The following TUBB3 variants were observed in gnomAD, a reference collection of about 807,000 sequenced individuals.
TUBB3 encodes the protein tubulin beta 3 class III, also known as tubulin beta-3 chain.
Under a neutral mutation model 37.8 loss-of-function variants are expected in TUBB3, and 17 were observed. The observed-to-expected ratio is 0.45, with a 90% confidence interval of 0.31 to 0.67. The LOEUF is 0.67. Ranked by LOEUF, TUBB3 falls within the 30% of genes least tolerant of loss-of-function variation. TUBB3 has a pLI of 0.07. For missense variants in TUBB3, 262 were observed against 657.9 expected (o/e 0.40, Z 6.58); for synonymous variants, 332 against 278.9 (o/e 1.19, Z -1.90).
At chr16:89,925,555 C>T (rs62052213) in intron 1 of TUBB3, among the ~76,000 whole-genome samples, 10,075 of 152,070 alleles carry the variant, frequency 0.066, 546 homozygotes, top group East Asian at 0.26. Flanking sequence ...ATGACCGCAC[C>T]ACTGTACTCC....
Position 89,936,025 on chromosome 16 carries a change from G to A in TUBB3, c.*221G>A, listed in dbSNP as rs1406602552. The A allele has an allele frequency of 1.4e-5, 9 of 625,318 alleles. No homozygotes were observed. Among genetic ancestry groups the A allele is most frequent in the African/African-American group, 1.8e-5 (1 of 54,324 alleles). 38.7% of individuals were successfully genotyped at this position (625,318 alleles called of 1,614,324 possible). ...TGCAGCTCCAGGCCTGACGTTTTAC[G>A]GTTTTGTTTTTTACTGGTTTGTGTT... On this transcript the variant is annotated 3_prime_UTR_variant, in exon 4 of 4. Coordinates refer to ENST00000315491, the MANE Select transcript of TUBB3 (RefSeq NM_006086.4).
At chr16:89,930,910 C>T (rs536804392) in intron 1 of TUBB3, among the ~76,000 whole-genome samples, 1 of 151,956 alleles carries the variant, frequency 6.6e-6, no homozygotes, top group South Asian at 2.1e-4. Flanking sequence ...TCACTGCAAG[C>T]TCCACCTCCT....
intron 1 of TUBB3, chr16:89,931,990 G>A (rs765319963): frequency 1.5e-5 from 4 of 274,268 alleles, no homozygotes; most frequent in South Asian, 6.5e-5. Flanking sequence ...AGACCCAGCT[G>A]GGGGTCCCCG....
intron 3 of TUBB3, chr16:89,934,414 C>G: frequency 1.8e-6 from 1 of 547,010 alleles, no homozygotes; most frequent in Non-Finnish European, 3.5e-6. Context: ...CTGGCACTGC[C>G]AGTCGGAAGG....
Position 89,935,810 on chromosome 16 carries a change from C to A in TUBB3, c.*6C>A. 1 of 1,611,740 alleles carries A rather than the reference C, an allele frequency of 6.2e-7. No individual in the cohort carries two copies. The highest frequency in any genetic ancestry group is 8.5e-7 in the Non-Finnish European group (1 of 1,178,886). Reference sequence around the variant, plus strand: ...AGGCCCAGGGCCCCAAGTGAAGCTGCTCGCAGCTGGAGTGAGAGGCAGGTG... The same window carrying A: ...AGGCCCAGGGCCCCAAGTGAAGCTGATCGCAGCTGGAGTGAGAGGCAGGTG... On this transcript the variant is annotated 3_prime_UTR_variant, in exon 4 of 4. Transcript: ENST00000315491.
chr16:89,923,062 C>T (rs571353861), upstream of TUBB3, among the ~76,000 whole-genome samples: 5 of 152,322 alleles, frequency 3.3e-5, no homozygotes, highest in African/African-American at 1.2e-4. Context: ...GGGCCATTGT[C>T]CTCCCTGGAG....
At chr16:89,934,202 G>T (rs1206116120) in intron 3 of TUBB3, 1 of 362,926 alleles carries the variant, frequency 2.8e-6, no homozygotes, top group Non-Finnish European at 5.4e-6. Context: ...TGGATGCCAC[G>T]TTCCCATGCC....
chr16:89,931,865 T>C, intron 1 of TUBB3: 1 of 409,152 alleles, frequency 2.4e-6, no homozygotes, highest in Non-Finnish European at 5.0e-6. Context: ...GAGGTGGAGG[T>C]GGCAGGTAGA....
rs565116983 is a variant in TUBB3 at position 89,933,231 on chromosome 16, G to T, written c.167-237G>T. Reference sequence around the variant, plus strand: ...ACACGAGCCCCTGCATCTGGTGGACGTCTGACTGAATCCTGCCTGTCCTGC... The same window carrying T: ...ACACGAGCCCCTGCATCTGGTGGACTTCTGACTGAATCCTGCCTGTCCTGC... On this transcript the variant is annotated intron_variant, in intron 2 of 3. Transcript: ENST00000315491. 626 of 691,214 alleles carry T rather than the reference G, an allele frequency of 9.1e-4. 1 individual carries two copies. Among genetic ancestry groups the T allele is most frequent in the African/African-American group, 7.0e-4 (40 of 57,144 alleles). The allele number at this position is 691,214 out of a possible 1,614,324, so 42.8% of individuals were successfully genotyped here.
upstream of TUBB3, among the ~76,000 whole-genome samples, chr16:89,922,824 C>T (rs74033901): frequency 4.4e-3 from 672 of 152,358 alleles, 4 homozygotes; most frequent in African/African-American, 0.016. Flanking sequence ...CGCTTTGTTT[C>T]TTCTCAGTGG....
At chr16:89,923,541 G>C in intron 1 of TUBB3, 83 bp downstream of exon 1, 1 of 1,235,276 alleles carries the variant, frequency 8.1e-7, no homozygotes, top group South Asian at 2.4e-5. Flanking sequence ...ACCTCCAGCT[G>C]CCCCCGCCCC....
chr16:89,923,501 A>G (rs923090180), intron 1 of TUBB3, 43 bp downstream of exon 1: 1 of 1,389,530 alleles, frequency 7.2e-7, no homozygotes. Flanking sequence ...CCGGGGCGGG[A>G]GGAGGGAGGC....
rs573895784 is a variant in TUBB3 at position 89,935,972 on chromosome 16, G to A, written c.*168G>A. 1.4e-5 allele frequency: 11 copies of A among 778,854 alleles called. No individual in the cohort carries two copies. Among genetic ancestry groups the A allele is most frequent in the African/African-American group, 7.0e-5 (4 of 57,172 alleles). The allele number at this position is 778,854 out of a possible 1,614,324, so 48.2% of individuals were successfully genotyped here. A position where few individuals can be genotyped will look rare whatever the true frequency, so the allele number is the denominator to read the frequency against. ...GCCTCGTCCTCCCCACCTAGGCCAC[G>A]TGTGAGCTGCTCCTGTCTCTGTCTT... On this transcript the variant is annotated 3_prime_UTR_variant, in exon 4 of 4. Coordinates refer to ENST00000315491, the MANE Select transcript of TUBB3 (RefSeq NM_006086.4).
chr16:89,930,923 G>A (rs1474001590), intron 1 of TUBB3, among the ~76,000 whole-genome samples: 1 of 151,894 alleles, frequency 6.6e-6, no homozygotes, highest in Non-Finnish European at 1.5e-5. Context: ...CACCTCCTGG[G>A]TTCAAGTGAT....
chr16:89,931,765 C>G (rs1025145792), intron 1 of TUBB3: 3 of 291,736 alleles, frequency 1.0e-5, no homozygotes, highest in Admixed American at 7.4e-5. Context: ...GTGAACCCAG[C>G]AGGCCCAGCC....
At position 89,923,350 on chromosome 16, in the gene TUBB3, C is replaced by G. The variant is rs2029952309; in HGVS notation, c.-52C>G. 2.1e-6 allele frequency: 3 copies of G among 1,420,324 alleles called. No individual in the cohort carries two copies. Among genetic ancestry groups the G allele is most frequent in the Non-Finnish European group, 2.8e-6 (3 of 1,078,448 alleles). The allele number at this position is 1,420,324 out of a possible 1,614,324, so 88.0% of individuals were successfully genotyped here. On this transcript the variant is annotated 5_prime_UTR_variant, in exon 1 of 4. Coordinates refer to ENST00000315491, the MANE Select transcript of TUBB3 (RefSeq NM_006086.4). The stretch of plus-strand genomic sequence containing the variant: ...GGCCGCGGTCCCCGACCCTCAGCAG[C>G]CAGCCCGGCCCGCCCGCGCCCGTCC...
intron 1 of TUBB3, among the ~76,000 whole-genome samples, chr16:89,930,754 C>T (rs1224423982): frequency 6.6e-6 from 1 of 151,648 alleles, no homozygotes; most frequent in Admixed American, 6.6e-5. Context: ...TAGACTCATG[C>T]TTCTCATGCT....
Position 89,932,507 on chromosome 16 carries a change from A to G in TUBB3, c.58-64A>G. ...GTAGTGAGGGCTAAAAGGCTTCACA[A>G]GGGAAAGGGCCTGGCTGGGGCTATG... On this transcript the variant is annotated intron_variant, in intron 1 of 3. Transcript: ENST00000315491. The G allele has an allele frequency of 2.1e-6, 3 of 1,418,352 alleles. No individual in the cohort carries two copies. In the South Asian group the frequency reaches 3.4e-5, roughly 16 times the overall value. 87.9% of individuals were successfully genotyped at this position (1,418,352 alleles called of 1,614,324 possible).
intron 1 of TUBB3, among the ~76,000 whole-genome samples, chr16:89,923,742 C>T (rs550534578): frequency 1.3e-5 from 2 of 152,190 alleles, no homozygotes; most frequent in Admixed American, 1.3e-4. Flanking sequence ...CCTGCACCCC[C>T]TCCACCGGGC....
Sources: allele counts gnomAD v4.1 joint callset (sites outside exome capture counted in the v4.1 genomes callset), GRCh38; gene constraint gnomAD v4.1.1; transcripts MANE v1.5; gene names NCBI Gene and HGNC (gene_info 2026-07-23, HGNC 2026-07-21).